The following MYH11 variants were observed in gnomAD, a reference collection of about 807,000 sequenced individuals.
The protein encoded by MYH11 is myosin heavy chain 11, also known as myosin-11.
MYH11 carries 80 observed loss-of-function variants against 246.6 expected under a neutral mutation model. That is an observed-to-expected ratio of 0.32 (90% CI 0.27 to 0.39). The LOEUF (loss-of-function observed/expected upper bound fraction) is 0.39, where lower values mean the gene tolerates loss of function less well. MYH11 is among the 10% of genes least tolerant of loss of function. The pLI is 1.00. For synonymous variants in MYH11, 1,071 were observed against 1,015.5 expected, an observed-to-expected ratio of 1.05 and a Z score of -1.04; for missense variants, 2,158 against 2,546.8, an observed-to-expected ratio of 0.85 and a Z score of 3.29.
At chr16:15,855,534 C>T (rs1054543228) in intron 1 of MYH11, among the ~76,000 whole-genome samples, 1 of 152,160 alleles carries the variant, frequency 6.6e-6, no homozygotes, top group Admixed American at 6.5e-5. Context: ...CTCTCTGAGC[C>T]TCAGCTGCCT....
In MYH11 at chr16:15,727,032, T is replaced by C. The variant is rs1202214342; in HGVS notation, c.3674A>G (p.Asn1225Ser). ...FKRAKANLDK[N>S]KQTLEKENAD... ...GTTCTCTTTCTCCAGCGTCTGCTTA[T>C]TCTTGTCTAGGTTCGCCTTGGCCTG... Residue 1225 changes from asparagine (N) to serine (S), a missense_variant, in exon 28 of 41, where the codon AAT (asparagine) becomes AGT (serine). Around this residue, in one of 11 missense-constraint regions of MYH11, gnomAD observed 1,013 missense variants for 993.5 expected, o/e 1.02. Transcript: ENST00000300036. 6.2e-7 allele frequency: 1 copy of C among 1,611,978 alleles called. No individual in the cohort carries two copies.
intron 31 of MYH11, 64 bp downstream of exon 31, chr16:15,724,097 C>T: frequency 6.2e-7 from 1 of 1,607,816 alleles, no homozygotes; most frequent in South Asian, 1.1e-5. Context: ...GCGTCATACT[C>T]TGCAGAGCTG....
chr16:15,756,547 G>A, intron 13 of MYH11, 33 bp from the exon 14 acceptor site: 1 of 1,612,802 alleles, frequency 6.2e-7, no homozygotes, highest in Non-Finnish European at 8.5e-7. Flanking sequence ...GAATCAGAGA[G>A]AACACCCAAC....
At chr16:15,734,424 G>C (rs551577044) in intron 26 of MYH11, among the ~76,000 whole-genome samples, 1 of 152,202 alleles carries the variant, frequency 6.6e-6, no homozygotes, top group South Asian at 2.1e-4. Context: ...TCAGCCTCCT[G>C]AGTAGCTGGG....
At chr16:15,848,703 T>C (rs1344743243) in intron 1 of MYH11, among the ~76,000 whole-genome samples, 1 of 152,116 alleles carries the variant, frequency 6.6e-6, no homozygotes, top group Non-Finnish European at 1.5e-5. Flanking sequence ...CTGCTAGATG[T>C]CCCCTGGGGT....
chr16:15,757,743 G>T, intron 13 of MYH11, 84 bp downstream of exon 13: 1 of 1,544,092 alleles, frequency 6.5e-7, no homozygotes, highest in South Asian at 1.1e-5. Flanking sequence ...TGCATGGGGA[G>T]AGTGTGGGGT....
At chr16:15,730,358 C>T (rs2040923384) in intron 27 of MYH11, among the ~76,000 whole-genome samples, 1 of 144,492 alleles carries the variant, frequency 6.9e-6, no homozygotes, top group African/African-American at 2.8e-5. Context: ...ATGGCAAAAC[C>T]CCATCTCTAC....
At chr16:15,778,223 G>A (rs1237521264) in intron 7 of MYH11, among the ~76,000 whole-genome samples, 1 of 152,174 alleles carries the variant, frequency 6.6e-6, no homozygotes, top group African/African-American at 2.4e-5. Flanking sequence ...TGCGATACCA[G>A]CATTCTTCTG....
At chr16:15,707,287 C>T (rs1408251348) in intron 40 of MYH11, among the ~76,000 whole-genome samples, 2 of 152,154 alleles carry the variant, frequency 1.3e-5, no homozygotes, top group Non-Finnish European at 2.9e-5. Context: ...CCTCGGCCTC[C>T]CAAAGTGCTG....
intron 2 of MYH11, among the ~76,000 whole-genome samples, chr16:15,834,166 G>C (rs2043827839): frequency 6.6e-6 from 1 of 151,986 alleles, no homozygotes; most frequent in African/African-American, 2.4e-5. Context: ...CGTCTTAGAT[G>C]AAAGACCTGG....
rs573168314 is a variant in MYH11, at chr16:15,703,329, C to A, written c.*662G>T. Reference sequence around the variant, plus strand: ...GGGGAAAGAATTCTCAAAGGCCTGACGTGAGAAGTTGGAAAGGTTTGCAGG... The same window carrying A: ...GGGGAAAGAATTCTCAAAGGCCTGAAGTGAGAAGTTGGAAAGGTTTGCAGG... On this transcript the variant is annotated 3_prime_UTR_variant, in exon 41 of 41. Coordinates refer to ENST00000300036, the MANE Select transcript of MYH11 (RefSeq NM_002474.3). 1.6e-3 allele frequency: 372 copies of A among 230,828 alleles called. 1 individual carries two copies. Among genetic ancestry groups the A allele is most frequent in the African/African-American group, 7.3e-3 (328 of 44,896 alleles). The allele number at this position is 230,828 out of a possible 1,614,324, so 14.3% of individuals were successfully genotyped here.
chr16:15,734,500 A>G (rs932346065), intron 26 of MYH11, among the ~76,000 whole-genome samples: 3 of 152,192 alleles, frequency 2.0e-5, no homozygotes, highest in African/African-American at 7.2e-5. Flanking sequence ...GGGTTTCACC[A>G]TGTTGGCCAG....
intron 3 of MYH11, among the ~76,000 whole-genome samples, chr16:15,805,086 T>G (rs766621477): frequency 6.6e-6 from 1 of 152,324 alleles, no homozygotes; most frequent in Non-Finnish European, 1.5e-5. Flanking sequence ...AACTCTGCAC[T>G]TTTCTAGAGC....
intron 3 of MYH11, among the ~76,000 whole-genome samples, chr16:15,820,800 A>C (rs1264731451): frequency 1.3e-5 from 2 of 152,226 alleles, no homozygotes; most frequent in Non-Finnish European, 2.9e-5. Context: ...ATTAGCACCT[A>C]CTTGTAATTA....
chr16:15,829,922 G>A (rs2043686446), intron 2 of MYH11, among the ~76,000 whole-genome samples: 1 of 152,116 alleles, frequency 6.6e-6, no homozygotes, highest in Non-Finnish European at 1.5e-5. Flanking sequence ...ATCACCTGAG[G>A]TCAAGAGTTC....
At chr16:15,777,303 G>C (rs1205857489) in intron 7 of MYH11, among the ~76,000 whole-genome samples, 1 of 152,128 alleles carries the variant, frequency 6.6e-6, no homozygotes, top group Non-Finnish European at 1.5e-5. Context: ...TGTATTTTTA[G>C]TAGAGACAGG....
intron 1 of MYH11, among the ~76,000 whole-genome samples, chr16:15,850,306 A>G (rs1475777575): frequency 6.6e-6 from 1 of 151,988 alleles, no homozygotes; most frequent in African/African-American, 2.4e-5. Flanking sequence ...AATCGCTTGA[A>G]CCCAGGAGGT....
intron 3 of MYH11, among the ~76,000 whole-genome samples, chr16:15,800,286 G>A (rs543456351): frequency 1.3e-5 from 2 of 151,926 alleles, no homozygotes; most frequent in Admixed American, 1.3e-4. Context: ...ATGGGAGGCT[G>A]GGTGAATAGG....
chr16:15,783,842 C>T (rs1306842687), intron 5 of MYH11, among the ~76,000 whole-genome samples: 1 of 152,072 alleles, frequency 6.6e-6, no homozygotes, highest in South Asian at 2.1e-4. Flanking sequence ...TTAACTGACT[C>T]GGCCAAGGTC....
Sources: gnomAD v4.1 joint callset for allele counts (sites outside exome capture counted in the v4.1 genomes callset) on GRCh38, gnomAD v4.1.1 for gene constraint, gnomAD v4.1.1 regional missense constraint, MANE v1.5 for transcripts, NCBI Gene and HGNC (gene_info 2026-07-23, HGNC 2026-07-21) for gene names.